RGS5: variants seen among roughly 807,000 people sequenced by gnomAD.
The protein encoded by RGS5 is regulator of G-protein signalling 5.
RGS5 carries 20 observed loss-of-function variants against 18.9 expected under a neutral mutation model. That is an observed-to-expected ratio of 1.06 (90% CI 0.74 to 1.54). RGS5 has a LOEUF of 1.54. Among genes scored for constraint, RGS5 ranks in the 40% most tolerant of loss-of-function variants. The probability of loss-of-function intolerance (pLI) is 0.00; values close to 1 mark genes in which losing one functional copy is unlikely to be tolerated. For missense variants in RGS5, 201 were observed against 211.8 expected (o/e 0.95, Z 0.32); for synonymous variants, 57 against 76.2 (o/e 0.75, Z 1.31).
At chr1:163,243,503 C>T (rs1164848846) in intron 2 of RGS5, among the ~76,000 whole-genome samples, 3 of 151,100 alleles carry the variant, frequency 2.0e-5, no homozygotes, top group African/African-American at 4.9e-5. Flanking sequence ...AAAAATTAGC[C>T]GGGCTTGGTG....
chr1:163,302,002 G>GT (rs35908469), intron 2 of RGS5, among the ~76,000 whole-genome samples: 4,332 of 139,426 alleles, frequency 0.031, 114 homozygotes, highest in Middle Eastern at 0.088. Flanking sequence ...AATTTTTCCT[G>GT]TTTTTTTTTT....
At chr1:163,283,917 G>C (rs902225767) in intron 2 of RGS5, among the ~76,000 whole-genome samples, 1 of 152,110 alleles carries the variant, frequency 6.6e-6, no homozygotes. Context: ...AAGCAGCCTG[G>C]CCAACATCTT....
At chr1:163,198,785 T>C (rs1209482129) in intron 1 of RGS5, among the ~76,000 whole-genome samples, 1 of 152,006 alleles carries the variant, frequency 6.6e-6, no homozygotes, top group African/African-American at 2.4e-5. Context: ...TGCTATCCAC[T>C]GTGCCTGGCT....
chr1:163,157,645 T>C (rs1657639648), intron 3 of RGS5, among the ~76,000 whole-genome samples: 1 of 152,168 alleles, frequency 6.6e-6, no homozygotes, highest in Non-Finnish European at 1.5e-5. Flanking sequence ...AAATTTCCCT[T>C]ATAAATTGAC....
At chr1:163,173,981 G>A (rs948733805) in intron 1 of RGS5, among the ~76,000 whole-genome samples, 1 of 152,108 alleles carries the variant, frequency 6.6e-6, no homozygotes, top group African/African-American at 2.4e-5. Context: ...GGAGGCTGAG[G>A]CAGAGAATTG....
chr1:163,282,725 T>C (rs1464570965), intron 2 of RGS5, among the ~76,000 whole-genome samples: 1 of 151,846 alleles, frequency 6.6e-6, no homozygotes, highest in Non-Finnish European at 1.5e-5. Context: ...AATAAACAGA[T>C]AAATAAATAA....
intron 2 of RGS5, among the ~76,000 whole-genome samples, chr1:163,163,437 C>T (rs1657896899): frequency 6.6e-6 from 1 of 151,888 alleles, no homozygotes. Flanking sequence ...CGTGAGCTAC[C>T]CATCCCTCTT....
chr1:163,172,515 A>G (rs1214917718), intron 1 of RGS5: 2 of 1,540,866 alleles, frequency 1.3e-6, no homozygotes, highest in Non-Finnish European at 1.7e-6. Flanking sequence ...TAACATTGCC[A>G]AGAGAAAATC....
At chr1:163,292,528 T>C (rs965001963) in intron 2 of RGS5, among the ~76,000 whole-genome samples, 1 of 152,230 alleles carries the variant, frequency 6.6e-6, no homozygotes, top group African/African-American at 2.4e-5. Context: ...CCTTTGGGTA[T>C]ATACCAGTAA....
At chr1:163,302,675 A>G (rs546214035) in intron 2 of RGS5, among the ~76,000 whole-genome samples, 188 of 152,108 alleles carry the variant, frequency 1.2e-3, no homozygotes, top group Non-Finnish European at 2.2e-3. Flanking sequence ...CCTTTACCCA[A>G]TCAAACCACA....
At chr1:163,247,727 T>A (rs1647984379) in intron 2 of RGS5, among the ~76,000 whole-genome samples, 1 of 152,048 alleles carries the variant, frequency 6.6e-6, no homozygotes, top group African/African-American at 2.4e-5. Context: ...AAATGGGCAC[T>A]TCCCCCTCAG....
intron 2 of RGS5, among the ~76,000 whole-genome samples, chr1:163,268,943 C>G (rs1648642157): frequency 6.6e-6 from 1 of 152,052 alleles, no homozygotes; most frequent in Admixed American, 6.6e-5. Flanking sequence ...TGAATAAGGT[C>G]AAATGGGTTA....
intron 1 of RGS5, among the ~76,000 whole-genome samples, chr1:163,315,943 A>G (rs988532715): frequency 1.3e-4 from 20 of 152,182 alleles, no homozygotes; most frequent in Non-Finnish European, 2.4e-4. Context: ...TAAAACTTTC[A>G]AACTATGTAA....
At chr1:163,204,829 T>C (rs1659904167), upstream of RGS5, among the ~76,000 whole-genome samples, 1 of 152,154 alleles carries the variant, frequency 6.6e-6, no homozygotes, top group Non-Finnish European at 1.5e-5. Context: ...AATCATTATT[T>C]GATACCAAGG....
chr1:163,170,281 A>T (rs1658241207), intron 1 of RGS5, among the ~76,000 whole-genome samples: 1 of 152,232 alleles, frequency 6.6e-6, no homozygotes, highest in African/African-American at 2.4e-5. Flanking sequence ...TTAGTCTTAA[A>T]TACTTTTTAA....
chr1:163,174,273 A>G (rs1658442596), intron 1 of RGS5, among the ~76,000 whole-genome samples: 2 of 152,320 alleles, frequency 1.3e-5, no homozygotes, highest in Middle Eastern at 6.8e-3. Context: ...AATATTGTCT[A>G]TCTCTCCCAT....
chr1:163,148,943 A>G (rs1272513558), intron 4 of RGS5, among the ~76,000 whole-genome samples: 1 of 152,234 alleles, frequency 6.6e-6, no homozygotes, highest in African/African-American at 2.4e-5. Context: ...GGTTTTTGGT[A>G]CTGAATAGAG....
At chr1:163,156,211 C>A (rs1259215505) in intron 3 of RGS5, among the ~76,000 whole-genome samples, 1 of 152,150 alleles carries the variant, frequency 6.6e-6, no homozygotes, top group African/African-American at 2.4e-5. Context: ...GTCATCAAAT[C>A]TCTCTGAGAC....
Position 163,211,656 on chromosome 1 carries a change from TTCC to T in RGS5, c.69+5867_69+5869del, listed in dbSNP as rs1381433665. On this transcript the variant is annotated intron_variant, in intron 1 of 5. Transcript: ENST00000367903. ...TAGAATAAGATGATTCTAATGGAAA[TTCC>T]AGGAATTTCTCACCACATATGATAT... 11 of 152,272 alleles carry T rather than the reference TTCC, an allele frequency of 7.2e-5. No homozygotes were observed. In the South Asian group the frequency reaches 2.3e-3, roughly 32 times the overall value. 9.4% of individuals were successfully genotyped at this position (152,272 alleles called of 1,614,324 possible).
Sources: gnomAD v4.1 joint callset for allele counts (sites outside exome capture counted in the v4.1 genomes callset) on GRCh38, gnomAD v4.1.1 for gene constraint, MANE v1.5 for transcripts, NCBI Gene and HGNC (gene_info 2026-07-23, HGNC 2026-07-21) for gene names.